The following STAP1 variants were observed in gnomAD, a reference collection of about 807,000 sequenced individuals.
The protein encoded by STAP1 is signal transducing adaptor family member 1.
A neutral mutation model predicts 37.8 loss-of-function variants in STAP1; 30 were observed. That is an observed-to-expected ratio of 0.79 (90% CI 0.59 to 1.08). The LOEUF is 1.08. Ranked by LOEUF, STAP1 falls within the 50% of genes least tolerant of loss-of-function variation. STAP1 has a pLI of 0.00. For missense variants in STAP1, 357 were observed against 349.4 expected (o/e 1.02, Z -0.17); for synonymous variants, 130 against 116.0 (o/e 1.12, Z -0.78).
intron 1 of STAP1, among the ~76,000 whole-genome samples, chr4:67,566,125 T>C (rs1727464014): frequency 6.6e-6 from 1 of 151,906 alleles, no homozygotes; most frequent in African/African-American, 2.4e-5. Flanking sequence ...TTTTCATATT[T>C]TTAGTAGATA....
rs993348113 is a variant in STAP1 at position 67,606,243 on chromosome 4, C to T, written c.827-53C>T. The T allele has an allele frequency of 4.2e-5, 62 of 1,474,698 alleles. 1 individual carries two copies. Among genetic ancestry groups the T allele is most frequent in the Admixed American group, 2.4e-4 (12 of 50,506 alleles). The allele number at this position is 1,474,698 out of a possible 1,614,324, so 91.4% of individuals were successfully genotyped here. ...CAACTCACTGAAAATAAAGAACCACCGTTTTCTACAATATTGGTTCGCTAA... is the reference window on the plus strand; with the variant it reads ...CAACTCACTGAAAATAAAGAACCACTGTTTTCTACAATATTGGTTCGCTAA... On this transcript the variant is annotated intron_variant, in intron 8 of 8. Transcript: ENST00000265404.
chr4:67,568,821 A>G (rs1243074070), intron 1 of STAP1, among the ~76,000 whole-genome samples: 2 of 152,208 alleles, frequency 1.3e-5, no homozygotes, highest in South Asian at 2.1e-4. Context: ...CATCTGTCCT[A>G]GAAGGTAGAT....
Position 67,575,504 on chromosome 4 carries a change from C to A in STAP1, c.306+6C>A. ...AAGAGGAAGTACAACTGAAGGTGAG[C>A]GAGGAGAAACAGTAGTCTGTAAAGG... On this transcript the variant is annotated splice_donor_region_variant and intron_variant, in intron 3 of 8. Coordinates refer to ENST00000265404, the MANE Select transcript of STAP1 (RefSeq NM_012108.4). 6.3e-7 allele frequency: 1 copy of A among 1,588,244 alleles called. No homozygotes were observed. The highest frequency in any genetic ancestry group is 8.6e-7 in the Non-Finnish European group (1 of 1,160,218).
intron 5 of STAP1, among the ~76,000 whole-genome samples, chr4:67,582,528 G>A (rs982984445): frequency 5.3e-5 from 8 of 151,884 alleles, no homozygotes; most frequent in African/African-American, 1.9e-4. Flanking sequence ...GGCTGGTCTT[G>A]AACTCTTGAG....
intron 1 of STAP1, among the ~76,000 whole-genome samples, chr4:67,568,362 TAAAG>T (rs990296780): frequency 6.6e-6 from 1 of 152,154 alleles, no homozygotes; most frequent in Non-Finnish European, 1.5e-5. Flanking sequence ...TATCAAACCA[TAAAG>T]GAAGGAATGA....
chr4:67,589,538 T>G (rs557634266), intron 6 of STAP1, among the ~76,000 whole-genome samples: 1 of 152,340 alleles, frequency 6.6e-6, no homozygotes, highest in African/African-American at 2.4e-5. Context: ...TGTGCCTAGC[T>G]TAACCTGCTG....
intron 1 of STAP1, among the ~76,000 whole-genome samples, chr4:67,566,705 C>G (rs1727478779): frequency 6.6e-6 from 1 of 152,232 alleles, no homozygotes; most frequent in Admixed American, 6.5e-5. Context: ...CACGGTAGCT[C>G]ATGCCTGTAA....
intron 4 of STAP1, among the ~76,000 whole-genome samples, chr4:67,579,256 T>G (rs1394924842): frequency 6.6e-6 from 1 of 152,202 alleles, no homozygotes; most frequent in African/African-American, 2.4e-5. Flanking sequence ...ATTTACAGTA[T>G]GTTGTTATTA....
intron 7 of STAP1, among the ~76,000 whole-genome samples, chr4:67,592,251 C>T (rs1328607010): frequency 1.3e-5 from 2 of 152,148 alleles, no homozygotes; most frequent in Non-Finnish European, 2.9e-5. Flanking sequence ...ACTTCAGCCT[C>T]CCGAGTAGCG....
intron 6 of STAP1, among the ~76,000 whole-genome samples, chr4:67,585,861 C>T (rs1447036565): frequency 6.6e-6 from 1 of 152,136 alleles, no homozygotes; most frequent in Admixed American, 6.5e-5. Flanking sequence ...AGAAGTTTGT[C>T]CTTTTTCAGG....
chr4:67,577,779 G>C lies in STAP1; in HGVS notation c.363+520G>C, dbSNP rs148987915. Among the ~76,000 whole-genome samples, 923 of 151,476 alleles carry C rather than the reference G, an allele frequency of 6.1e-3. 11 individuals are homozygous for C. The highest frequency in any genetic ancestry group is 0.021 in the African/African-American group (882 of 41,282). ...TTCTCCTGCTTCAGCCTCTCAAGTA[G>C]CTGGGATTACAGGCATGCACCATCA... On this transcript the variant is annotated intron_variant, in intron 4 of 8. Coordinates refer to ENST00000265404, the MANE Select transcript of STAP1 (RefSeq NM_012108.4).
chr4:67,581,408 C>T lies in STAP1; in HGVS notation c.467C>T (p.Thr156Met), dbSNP rs778568896. The T allele has an allele frequency of 1.5e-5, 24 of 1,613,760 alleles. No individual in the cohort carries two copies. The South Asian group carries it at 1.9e-4, about 13-fold the overall frequency. ...KKRRIETEQS[T>M]SVEKEKEPTE... The stretch of plus-strand genomic sequence containing the variant: ...AGGAGGATTGAGACAGAGCAGAGTA[C>T]GTCCGTGGAAAAAGAGAAGGAACCA... The change falls in exon 5 of 9, where the codon ACG becomes ATG. Residue 156 changes from threonine to methionine, a missense_variant. Thr to Met is a moderately conservative substitution (Grantham distance 81). Transcript: ENST00000265404.
chr4:67,581,774 A>ATT lies in STAP1; in HGVS notation c.530+308_530+309dup, dbSNP rs556151910. On this transcript the variant is annotated intron_variant, in intron 5 of 8. Coordinates refer to ENST00000265404, the MANE Select transcript of STAP1 (RefSeq NM_012108.4). ...TCCCATGAAGAAGGCAGGAAAAGAT[A>ATT]TTTTTTCACTATGCAAACTCTATGA... 9.2e-4 allele frequency among the ~76,000 whole-genome samples: 140 copies of ATT among 152,298 alleles called. 2 individuals carry two copies. The highest frequency in any genetic ancestry group is 6.5e-3 in the Admixed American group (99 of 15,300).
chr4:67,603,955 G>GT (rs1206685007), intron 8 of STAP1, among the ~76,000 whole-genome samples: 1 of 152,156 alleles, frequency 6.6e-6, no homozygotes, highest in Non-Finnish European at 1.5e-5. Flanking sequence ...AGGACCCTCA[G>GT]TGTTTGTGGC....
chr4:67,601,080 G>A (rs193135110), intron 8 of STAP1, among the ~76,000 whole-genome samples: 1 of 151,754 alleles, frequency 6.6e-6, no homozygotes, highest in Admixed American at 6.6e-5. Context: ...TTGTGAAGGT[G>A]ATTTTCTCTG....
At chr4:67,583,304 T>C (rs1174015955) in intron 5 of STAP1, among the ~76,000 whole-genome samples, 2 of 152,236 alleles carry the variant, frequency 1.3e-5, no homozygotes, top group Admixed American at 1.3e-4. Flanking sequence ...ATGATGATTA[T>C]ATACTGATCA....
Position 67,595,401 on chromosome 4 carries a change from A to T in STAP1, c.826+2045A>T, listed in dbSNP as rs867216488. 3.5e-4 allele frequency among the ~76,000 whole-genome samples: 47 copies of T among 134,344 alleles called. No individual in the cohort carries two copies. The East Asian group carries it at 8.7e-3, about 25-fold the overall frequency. The allele number at this position is 134,344 out of a possible 152,430, so 88.1% of individuals were successfully genotyped here. On this transcript the variant is annotated intron_variant, in intron 8 of 8. Coordinates refer to ENST00000265404, the MANE Select transcript of STAP1 (RefSeq NM_012108.4). The stretch of plus-strand genomic sequence containing the variant: ...AAAAAAAAAAAAAAAAAAAAAAAAA[A>T]TGCTGGGTATGGTAGCACATGCCTG...
At chr4:67,595,372 CAAAA>C (rs34185676) in intron 8 of STAP1, among the ~76,000 whole-genome samples, 4,155 of 87,778 alleles carry the variant, frequency 0.047, 68 homozygotes, top group Admixed American at 0.073. Flanking sequence ...TTCGTTTCTA[CAAAA>C]AAAAAAAAAA....
At chr4:67,558,974 A>C in intron 1 of STAP1, 45 bp downstream of exon 1, 2 of 1,514,458 alleles carry the variant, frequency 1.3e-6, no homozygotes, top group Non-Finnish European at 1.8e-6. Context: ...TTCTGTTTTA[A>C]TTTAATATTT....
Sources: gnomAD v4.1 joint callset for allele counts (sites outside exome capture counted in the v4.1 genomes callset) on GRCh38, gnomAD v4.1.1 for gene constraint, MANE v1.5 for transcripts, NCBI Gene and HGNC (gene_info 2026-07-23, HGNC 2026-07-21) for gene names.